FHIT: variants seen among roughly 807,000 people sequenced by gnomAD.
The protein encoded by FHIT is fragile histidine triad diadenosine triphosphatase.
In FHIT, 19 loss-of-function variants were observed where a neutral mutation model predicts 17.9. The observed-to-expected ratio is 1.06, with a 90% CI of 0.74 to 1.56. FHIT has a LOEUF of 1.56. Ranked by LOEUF, FHIT falls within the 40% of genes most tolerant of loss-of-function variation. FHIT has a pLI of 0.00. For synonymous variants in FHIT, 81 were observed against 69.7 expected (o/e 1.16, Z -0.81); for missense variants, 248 against 189.2 (o/e 1.31, Z -1.82).
chr3:60,533,925 C>A (rs1158188016), intron 5 of FHIT, among the ~76,000 whole-genome samples: 1 of 152,074 alleles, frequency 6.6e-6, no homozygotes, highest in Non-Finnish European at 1.5e-5. Flanking sequence ...AGCCCAGAGG[C>A]AGGGAGACAG....
At position 59,936,559 on chromosome 3, in the gene FHIT, C is replaced by T. The variant is rs767928553; in HGVS notation, c.280-14145G>A. On this transcript the variant is annotated intron_variant, in intron 7 of 9. Coordinates refer to ENST00000492590, the MANE Select transcript of FHIT (RefSeq NM_002012.4). The stretch of plus-strand genomic sequence containing the variant: ...ATGGAGGTTACATGTTTCGAGGCAG[C>T]TCTGTGGCTTTTTCAGAAATCTGCC... Among the ~76,000 whole-genome samples, 3 of 152,156 alleles carry T rather than the reference C, an allele frequency of 2.0e-5. No individual in the cohort carries two copies. The East Asian group carries it at 5.8e-4, about 29-fold the overall frequency.
chr3:60,496,137 A>T (rs2034291212), intron 5 of FHIT, among the ~76,000 whole-genome samples: 1 of 152,084 alleles, frequency 6.6e-6, no homozygotes, highest in Non-Finnish European at 1.5e-5. Flanking sequence ...GAAATTATTA[A>T]ATTTCATTAT....
At chr3:60,349,996 T>C (rs1711003695) in intron 5 of FHIT, among the ~76,000 whole-genome samples, 1 of 152,194 alleles carries the variant, frequency 6.6e-6, no homozygotes. Context: ...TGGAGATCAT[T>C]AGTTTGATAA....
intron 4 of FHIT, among the ~76,000 whole-genome samples, chr3:60,651,913 A>G (rs2040000221): frequency 6.6e-6 from 1 of 152,184 alleles, no homozygotes; most frequent in Non-Finnish European, 1.5e-5. Context: ...CACCCAAAAT[A>G]CTTTCTAAAT....
chr3:59,952,561 T>C (rs544432094), intron 7 of FHIT, among the ~76,000 whole-genome samples: 2 of 152,318 alleles, frequency 1.3e-5, no homozygotes, highest in Middle Eastern at 6.8e-3. Flanking sequence ...ATAGAGTCTA[T>C]ATGCCACATT....
chr3:60,319,932 A>T (rs1241409905), intron 5 of FHIT, among the ~76,000 whole-genome samples: 4 of 152,148 alleles, frequency 2.6e-5, no homozygotes, highest in Non-Finnish European at 4.4e-5. Flanking sequence ...AAAAACAGGA[A>T]AACGACCTAA....
chr3:60,826,281 G>C (rs1439182985), intron 3 of FHIT, among the ~76,000 whole-genome samples: 1 of 151,716 alleles, frequency 6.6e-6, no homozygotes, highest in South Asian at 2.1e-4. Context: ...GATGGGGATA[G>C]ATGAGGTTAG....
chr3:60,652,863 T>C (rs1034272120), intron 4 of FHIT, among the ~76,000 whole-genome samples: 14 of 151,426 alleles, frequency 9.2e-5, no homozygotes, highest in Non-Finnish European at 8.8e-5. Flanking sequence ...TGAGCCAAGA[T>C]CACAGCATTG....
At chr3:60,164,109 T>A (rs1701054155) in intron 5 of FHIT, among the ~76,000 whole-genome samples, 1 of 152,180 alleles carries the variant, frequency 6.6e-6, no homozygotes, top group Non-Finnish European at 1.5e-5. Context: ...GATCATAAAC[T>A]TAAGTAGGTA....
At chr3:60,581,195 A>G (rs573266447) in intron 4 of FHIT, among the ~76,000 whole-genome samples, 48 of 152,268 alleles carry the variant, frequency 3.2e-4, no homozygotes. Context: ...GAATACTGAC[A>G]AGCACATTAA....
intron 5 of FHIT, among the ~76,000 whole-genome samples, chr3:60,021,328 A>C (rs1700546667): frequency 6.6e-6 from 1 of 152,232 alleles, no homozygotes; most frequent in African/African-American, 2.4e-5. Context: ...GATGCTCAAA[A>C]GTAAGAATCA....
At chr3:60,878,670 T>C (rs1326491845) in intron 3 of FHIT, among the ~76,000 whole-genome samples, 3 of 151,898 alleles carry the variant, frequency 2.0e-5, no homozygotes, top group Non-Finnish European at 4.4e-5. Context: ...CCCCGGTGTG[T>C]GATGTTCCCC....
At position 60,474,702 on chromosome 3, in the gene FHIT, C is replaced by T. The variant is rs1175159167; in HGVS notation, c.103+62158G>A. On this transcript the variant is annotated intron_variant, in intron 5 of 9. Transcript: ENST00000492590. ...GCAGTGGCACAATCTCGGCTCACCA[C>T]AACCTCTGCCTCCCGGGTTCAAGAG... is the stretch of plus-strand genomic sequence containing the variant. 7.9e-5 allele frequency among the ~76,000 whole-genome samples: 12 copies of T among 151,884 alleles called. No individual in the cohort carries two copies. In the East Asian group the frequency reaches 2.3e-3, roughly 29 times the overall value.
intron 5 of FHIT, among the ~76,000 whole-genome samples, chr3:60,341,282 GTAA>G (rs1390199269): frequency 6.6e-6 from 1 of 152,092 alleles, no homozygotes; most frequent in Non-Finnish European, 1.5e-5. Context: ...GTATTATTTT[GTAA>G]TAATATGTTG....
intron 3 of FHIT, among the ~76,000 whole-genome samples, chr3:60,879,194 A>G (rs937175308): frequency 1.3e-5 from 2 of 152,162 alleles, no homozygotes; most frequent in Admixed American, 1.3e-4. Flanking sequence ...AACTGGTGTA[A>G]GATGGTATCT....
chr3:60,196,130 A>G (rs773702578), intron 5 of FHIT, among the ~76,000 whole-genome samples: 1 of 152,170 alleles, frequency 6.6e-6, no homozygotes, highest in Non-Finnish European at 1.5e-5. Flanking sequence ...AAATTACCAC[A>G]TACTTAGGGC....
At chr3:60,097,567 C>T (rs9867348) in intron 5 of FHIT, among the ~76,000 whole-genome samples, 39,546 of 152,006 alleles carry the variant, frequency 0.26, 5,767 homozygotes, top group Non-Finnish European at 0.34. Context: ...CTTCCTCCTC[C>T]TTTACAGCCT....
At chr3:60,063,181 C>G (rs1702362747) in intron 5 of FHIT, among the ~76,000 whole-genome samples, 1 of 152,158 alleles carries the variant, frequency 6.6e-6, no homozygotes, top group Non-Finnish European at 1.5e-5. Context: ...TTCTCATGAA[C>G]TGTGGAATTG....
intron 5 of FHIT, among the ~76,000 whole-genome samples, chr3:60,505,514 T>C (rs1234192013): frequency 6.6e-6 from 1 of 152,196 alleles, no homozygotes; most frequent in African/African-American, 2.4e-5. Flanking sequence ...GTTACAGAAA[T>C]ATTTTTAAGC....
Sources: gnomAD v4.1 joint callset for allele counts (sites outside exome capture counted in the v4.1 genomes callset) on GRCh38, gnomAD v4.1.1 for gene constraint, MANE v1.5 for transcripts, NCBI Gene and HGNC (gene_info 2026-07-23, HGNC 2026-07-21) for gene names.